NRG1: variants seen among roughly 807,000 people sequenced by gnomAD.
The protein encoded by NRG1 is pro-neuregulin-1, membrane-bound isoform.
Under a neutral mutation model 63.8 loss-of-function variants are expected in NRG1, and 18 were observed. That is an observed-to-expected ratio of 0.28 (90% confidence interval 0.19 to 0.42). The LOEUF (loss-of-function observed/expected upper bound fraction) is 0.42. Among genes scored for constraint, NRG1 ranks in the 10% least tolerant of loss-of-function variants. The pLI is 1.00. For missense variants in NRG1, 762 were observed against 814.7 expected, an observed-to-expected ratio of 0.94 and a Z score of 0.79; for synonymous variants, 302 against 301.3, an observed-to-expected ratio of 1.00 and a Z score of -0.02.
At chr8:32,631,185 T>G (rs2129544114) in intron 5 of NRG1, among the ~76,000 whole-genome samples, 1 of 152,248 alleles carries the variant, frequency 6.6e-6, no homozygotes, top group East Asian at 1.9e-4. Context: ...AAGAATGTAT[T>G]ATTGTAATTA....
chr8:31,932,083 C>G (rs10096222), intron 1 of NRG1, among the ~76,000 whole-genome samples: 2,775 of 151,858 alleles, frequency 0.018, 94 homozygotes, highest in African/African-American at 0.064. Context: ...TCCTTTCCCC[C>G]CAACAGCCCC....
rs573157065 is a variant in NRG1, at chr8:31,760,800, G to C, written c.37+121369G>C. 1.1e-3 allele frequency among the ~76,000 whole-genome samples: 169 copies of C among 152,104 alleles called. 3 individuals are homozygous for C. The highest frequency in any genetic ancestry group is 9.6e-3 in the Admixed American group (146 of 15,250). On this transcript the variant is annotated intron_variant, in intron 1 of 10. Coordinates refer to the NRG1 transcript ENST00000519301. ...TGGCAATCATTAAAAAGTCAGGAAA[G>C]AACAGGTGCTGGAGAGGATGTGGAG...
rs201310152 is a variant in NRG1 at position 32,727,908 on chromosome 8, A to G, written c.503-41A>G. 1.4e-5 allele frequency: 23 copies of G among 1,606,548 alleles called. No homozygotes were observed. In the South Asian group the frequency reaches 2.1e-4, roughly 15 times the overall value. ...ATTAAAGGCTGCTTAGAAGGGGGAA[A>G]AAAAGTCCATGTTAACCTTTCTCCT... is the stretch of plus-strand genomic sequence containing the variant. On this transcript the variant is annotated intron_variant, in intron 5 of 11. Transcript: ENST00000356819.
intron 1 of NRG1, among the ~76,000 whole-genome samples, chr8:31,888,717 C>T (rs2683771): frequency 0.51 from 76,983 of 151,582 alleles, 20,132 homozygotes; most frequent in East Asian, 0.74. Flanking sequence ...ATCTATAATA[C>T]GATATATTTG....
intron 1 of NRG1, among the ~76,000 whole-genome samples, chr8:32,072,058 G>A (rs1449143619): frequency 6.6e-6 from 1 of 151,992 alleles, no homozygotes; most frequent in Non-Finnish European, 1.5e-5. Flanking sequence ...CTTATGAAAA[G>A]ATATGCCACA....
chr8:32,130,894 A>G (rs758026617), intron 1 of NRG1, among the ~76,000 whole-genome samples: 1 of 151,976 alleles, frequency 6.6e-6, no homozygotes, highest in Non-Finnish European at 1.5e-5. Context: ...GTTTCAGGTC[A>G]TTACATTGCT....
rs1267480234 is a variant in NRG1 at position 32,081,159 on chromosome 8, A to G, written c.37+441728A>G. Among the ~76,000 whole-genome samples the G allele has an allele frequency of 2.6e-5, 4 of 152,172 alleles. No individual in the cohort carries two copies. In the East Asian group the frequency reaches 7.7e-4, roughly 29 times the overall value. ...ACAAAATATCCAGGGACCAGGGACC[A>G]TGGCCCAGCCAAGTTGACACACTGA... On this transcript the variant is annotated intron_variant, in intron 1 of 10. Transcript: ENST00000519301.
At position 31,796,716 on chromosome 8, in the gene NRG1, C is replaced by T. The variant is rs559244365; in HGVS notation, c.37+157285C>T. On this transcript the variant is annotated intron_variant, in intron 1 of 10. Transcript: ENST00000519301. ...CCTCCCAAAGTACTGGGATTACAGG[C>T]GTGAGCCACTGCGCCCGGCCAGAAG... Among the ~76,000 whole-genome samples, 6 of 152,190 alleles carry T rather than the reference C, an allele frequency of 3.9e-5. No individual in the cohort carries two copies. The South Asian group carries it at 1.2e-3, about 32-fold the overall frequency.
chr8:32,006,302 G>A (rs1263882872), intron 1 of NRG1, among the ~76,000 whole-genome samples: 1 of 151,860 alleles, frequency 6.6e-6, no homozygotes, highest in Non-Finnish European at 1.5e-5. Context: ...TATTGTTTAG[G>A]CCTTCTGCCT....
At chr8:32,285,072 G>C (rs536839045) in intron 1 of NRG1, among the ~76,000 whole-genome samples, 2 of 152,270 alleles carry the variant, frequency 1.3e-5, no homozygotes, top group South Asian at 4.1e-4. Flanking sequence ...CCTATCTGTA[G>C]CTCTTTGAAA....
intron 1 of NRG1, among the ~76,000 whole-genome samples, chr8:32,557,034 C>G (rs1023082771): frequency 6.6e-6 from 1 of 151,950 alleles, no homozygotes; most frequent in African/African-American, 2.4e-5. Context: ...GAGACTAAGT[C>G]TTGCTCTGTC....
chr8:32,318,492 T>A (rs1233136433), intron 1 of NRG1, among the ~76,000 whole-genome samples: 1 of 152,142 alleles, frequency 6.6e-6, no homozygotes, highest in African/African-American at 2.4e-5. Flanking sequence ...GTTAAGTGAC[T>A]TAACCTGTAA....
chr8:32,240,322 T>A (rs996740530), intron 1 of NRG1, among the ~76,000 whole-genome samples: 4 of 152,190 alleles, frequency 2.6e-5, no homozygotes, highest in African/African-American at 7.2e-5. Flanking sequence ...TCATGTGATG[T>A]GATTTTATTT....
chr8:31,917,887 A>G (rs970461417), intron 1 of NRG1, among the ~76,000 whole-genome samples: 2 of 152,124 alleles, frequency 1.3e-5, no homozygotes, highest in African/African-American at 4.8e-5. Flanking sequence ...TTCATTGAGC[A>G]GTGGTTTGTA....
intron 9 of NRG1, among the ~76,000 whole-genome samples, chr8:32,758,627 GAA>G (rs1389553334): frequency 7.5e-6 from 1 of 133,422 alleles, no homozygotes; most frequent in African/African-American, 2.8e-5. Context: ...AAGAAAGAAA[GAA>G]GAGAGAAAAG....
chr8:32,578,462 C>G lies in NRG1; in HGVS notation c.101-17366C>G, dbSNP rs568884807. Among the ~76,000 whole-genome samples the G allele has an allele frequency of 5.5e-5, 6 of 108,622 alleles. No individual in the cohort carries two copies. The South Asian group carries it at 2.2e-3, about 39-fold the overall frequency. 71.3% of individuals were successfully genotyped at this position (108,622 alleles called of 152,430 possible). A position where few individuals can be genotyped will look rare whatever the true frequency, so the allele number is the denominator to read the frequency against. Reference sequence around the variant, plus strand: ...CTGGCAGAACCACTGCAGACATTCTCTGTCCTCCTTTTTTTTTTTTGTCAC... The same window carrying G: ...CTGGCAGAACCACTGCAGACATTCTGTGTCCTCCTTTTTTTTTTTTGTCAC... On this transcript the variant is annotated intron_variant, in intron 1 of 11. Transcript: ENST00000356819.
intron 1 of NRG1, among the ~76,000 whole-genome samples, chr8:32,015,017 G>C (rs1247179907): frequency 6.6e-6 from 1 of 152,032 alleles, no homozygotes; most frequent in Non-Finnish European, 1.5e-5. Flanking sequence ...GCATGCAAAA[G>C]GAACGAACCC....
upstream of NRG1, among the ~76,000 whole-genome samples, chr8:32,547,978 C>CA (rs1022703695): frequency 6.6e-6 from 1 of 152,124 alleles, no homozygotes; most frequent in African/African-American, 2.4e-5. Flanking sequence ...GGGGAGCGGG[C>CA]AGCGAGAGCC....
At chr8:32,327,305 G>A (rs1341588157) in intron 1 of NRG1, among the ~76,000 whole-genome samples, 1 of 152,206 alleles carries the variant, frequency 6.6e-6, no homozygotes, top group African/African-American at 2.4e-5. Flanking sequence ...TCGTGACAGG[G>A]TGTAGAGATT....
Sources: gnomAD v4.1 joint callset for allele counts (sites outside exome capture counted in the v4.1 genomes callset) on GRCh38, gnomAD v4.1.1 for gene constraint, MANE v1.5 for transcripts, NCBI Gene and HGNC (gene_info 2026-07-23, HGNC 2026-07-21) for gene names.